TTN: variants seen among roughly 807,000 people sequenced by gnomAD.
TTN encodes titin, also known as connectin.
A neutral mutation model predicts 3,223.0 loss-of-function variants in TTN; 1,525 were observed. The observed-to-expected ratio is 0.47, with a 90% CI of 0.45 to 0.49. TTN has a LOEUF of 0.49. Ranked by LOEUF, TTN falls within the 20% of genes least tolerant of loss-of-function variation. TTN has a pLI of 0.00. For missense variants in TTN, 40,786 were observed against 43,424.0 expected (o/e 0.94, Z 5.40); for synonymous variants, 14,094 against 15,161.0 (o/e 0.93, Z 5.17).
In TTN at chr2:178,534,670, T is replaced by A; in HGVS notation, c.101945A>T (p.Tyr33982Phe). ...ATCATGCTGGTGGACTTCAGGTGCA[T>A]AGTATTCTGGGGCAGTGAATAGAAG... Reference protein sequence around the residue: ...FRLLFTAPEYYAPEVHQHDVV... With the variant: ...FRLLFTAPEYFAPEVHQHDVV... Residue 33982 changes from tyrosine to phenylalanine, a missense_variant, in exon 358 of 363, where the codon TAT becomes TTT. By Grantham distance (22) the Tyr-to-Phe change is conservative. Coordinates refer to ENST00000589042, the MANE Select transcript of TTN (RefSeq NM_001267550.2). 2 of 1,613,808 alleles carry A rather than the reference T, an allele frequency of 1.2e-6. No individual in the cohort carries two copies. The highest frequency in any genetic ancestry group is 1.7e-6 in the Non-Finnish European group (2 of 1,179,766).
chr2:178,694,931 A>G (rs1428354909), intron 115 of TTN, 25 bp from the exon 116 acceptor site: 1 of 1,484,738 alleles, frequency 6.7e-7, no homozygotes, highest in Non-Finnish European at 9.2e-7. Context: ...GAGAAATTGC[A>G]GTACTTTTAG....
Position 178,564,615 on chromosome 2 carries a change from G to C in TTN, c.81517C>G (p.Pro27173Ala), listed in dbSNP as rs754325718. Reference sequence around the variant, plus strand: ...ACAATGGCTTCAGGGCGACCAGGTGGGTCACATGGATCACGAGCAACAAAG... The same window carrying C: ...ACAATGGCTTCAGGGCGACCAGGTGCGTCACATGGATCACGAGCAACAAAG... ...ECFVARDPCDPPGRPEAIVIT... is the reference protein window; with the variant it reads ...ECFVARDPCDAPGRPEAIVIT... Residue 27173 changes from proline to alanine, a missense_variant, in exon 326 of 363, where the codon CCA becomes GCA. Coordinates refer to ENST00000589042, the MANE Select transcript of TTN (RefSeq NM_001267550.2). 6.9e-5 allele frequency: 112 copies of C among 1,613,298 alleles called. No homozygotes were observed. Among genetic ancestry groups the C allele is most frequent in the Admixed American group, 6.7e-5 (4 of 59,940 alleles).
rs1407239427 is a variant in TTN at position 178,537,924 on chromosome 2, A to G, written c.99290-7T>C. ...ATTCCTGGGGCCTCTCCAGCTGAAC[A>G]ATATGAAAGATAATATTAAGTGACT... is the stretch of plus-strand genomic sequence containing the variant. On this transcript the variant is annotated splice_polypyrimidine_tract_variant and splice_region_variant and intron_variant, in intron 354 of 362. Coordinates refer to ENST00000589042, the MANE Select transcript of TTN (RefSeq NM_001267550.2). 2.5e-6 allele frequency: 4 copies of G among 1,590,662 alleles called. No individual in the cohort carries two copies. Among genetic ancestry groups the G allele is most frequent in the African/African-American group, 1.3e-5 (1 of 74,376 alleles).
At chr2:178,608,111 C>A (rs757445621) in intron 275 of TTN, 30 bp from the exon 276 acceptor site, 1 of 1,607,530 alleles carries the variant, frequency 6.2e-7, no homozygotes, top group Non-Finnish European at 8.5e-7. Flanking sequence ...ACAAATCAAA[C>A]TCCCTGATGG....
Position 178,608,671 on chromosome 2 carries a change from G to C in TTN, c.52340C>G (p.Ala17447Gly), listed in dbSNP as rs758092362. Residue 17447 changes from alanine (A) to glycine (G), a missense_variant, in exon 274 of 363, where the codon GCT (alanine) becomes GGT (glycine). By Grantham distance (60) the Ala-to-Gly change is moderately conservative. Coordinates refer to ENST00000589042, the MANE Select transcript of TTN (RefSeq NM_001267550.2). Reference sequence around the variant, plus strand: ...TGGACCTGGCCCAAATCTGTTTTCAGCTCTTACACGGAAGAGGTACTCTTT... The same window carrying C: ...TGGACCTGGCCCAAATCTGTTTTCACCTCTTACACGGAAGAGGTACTCTTT... Reference protein sequence around the residue: ...EGKEYLFRVRAENRFGPGPPC... With the variant: ...EGKEYLFRVRGENRFGPGPPC... The C allele has an allele frequency of 6.2e-6, 10 of 1,611,970 alleles. No homozygotes were observed. Among genetic ancestry groups the C allele is most frequent in the Non-Finnish European group, 5.9e-6 (7 of 1,178,976 alleles).
At chr2:178,747,554 T>C (rs1560985168) in intron 47 of TTN, 9 of 1,613,400 alleles carry the variant, frequency 5.6e-6, no homozygotes, top group East Asian at 4.5e-5. Context: ...GTAGTATTCA[T>C]ACACAGTGTT....
chr2:178,725,335 G>T, intron 71 of TTN, 33 bp downstream of exon 71: 3 of 1,434,198 alleles, frequency 2.1e-6, no homozygotes, highest in South Asian at 1.7e-5. Flanking sequence ...CCAGCATTTG[G>T]CACCAGTTTC....
Position 178,547,918 on chromosome 2 carries a change from G to C in TTN, c.93708C>G (p.Asp31236Glu), listed in dbSNP as rs560835240. ...GGGCAGGACGACCACTGATTGGTAC[G>C]TCAATGGTAAATGGGCTTCCTGCTT... is the stretch of plus-strand genomic sequence containing the variant. ...TCKAGSPFTI[D>E]VPISGRPAPK... The change falls in exon 339 of 363, where the codon GAC (aspartate) becomes GAG (glutamate). Residue 31236 changes from aspartate to glutamate, a missense_variant. By Grantham distance (45) the Asp-to-Glu change is conservative. Coordinates refer to ENST00000589042, the MANE Select transcript of TTN (RefSeq NM_001267550.2). 1 of 1,613,724 alleles carries C rather than the reference G, an allele frequency of 6.2e-7. No homozygotes were observed.
chr2:178,559,777 A>C lies in TTN; in HGVS notation c.86355T>G (p.Asn28785Lys), dbSNP rs745857020. 2 of 1,605,014 alleles carry C rather than the reference A, an allele frequency of 1.2e-6. No homozygotes were observed. The highest frequency in any genetic ancestry group is 2.2e-5 in the South Asian group (2 of 89,660). Residue 28785 changes from asparagine (N) to lysine (K), a missense_variant, in exon 326 of 363, where the codon AAT becomes AAG. Transcript: ENST00000589042. ...TVPFRGRPVP[N>K]VLWSKPDTDL... ...CAGTGTCTGGCTTACTCCACAAGAC[A>C]TTGGGTACTGGTCTTCCTCGGAAAG...
At chr2:178,529,585 A>T (rs956859730) in intron 359 of TTN, among the ~76,000 whole-genome samples, 1 of 152,254 alleles carries the variant, frequency 6.6e-6, no homozygotes, top group African/African-American at 2.4e-5. Context: ...TAATTGGTAA[A>T]ATAGAAATAG....
chr2:178,555,935 T>C (rs940025900), intron 330 of TTN: 10 of 152,296 alleles, frequency 6.6e-5, no homozygotes, highest in African/African-American at 2.4e-4. Context: ...ATACGCATTT[T>C]GGACTAACCA....
In TTN at chr2:178,723,991, A is replaced by T; in HGVS notation, c.21268T>A (p.Tyr7090Asn). 6.2e-7 allele frequency: 1 copy of T among 1,613,580 alleles called. No homozygotes were observed. Among genetic ancestry groups the T allele is most frequent in the Non-Finnish European group, 8.5e-7 (1 of 1,179,624 alleles). The change falls in exon 73 of 363, where the codon TAC becomes AAC. Residue 7090 changes from tyrosine (Y) to asparagine (N), a missense_variant. Coordinates refer to ENST00000589042, the MANE Select transcript of TTN (RefSeq NM_001267550.2). ...ACATTATCTGAAAATGTGGTTTGGT[A>T]CTTTGCTCCACTGACAATCTTGGTT... ...EKTKIVSGAK[Y>N]QTTFSDNVCT...
rs759429973 is a variant in TTN, at chr2:178,585,185, C to CT, written c.64558dup (p.Ser21520LysfsTer12). 1 of 1,613,362 alleles carries CT rather than the reference C, an allele frequency of 6.2e-7. No individual in the cohort carries two copies. The highest frequency in any genetic ancestry group is 2.2e-5 in the East Asian group (1 of 44,828). On this transcript the variant is annotated frameshift_variant, in exon 309 of 363. Transcript: ENST00000589042. LOFTEE classifies it high-confidence loss of function. ...ATCTTTTATGATCAGAATTGAAGAG[C>CT]TGTCTGCTTTATGCACTGCCAGGTG... is the stretch of plus-strand genomic sequence containing the variant.
chr2:178,612,806 G>T lies in TTN; in HGVS notation c.49915C>A (p.Pro16639Thr). The change falls in exon 265 of 363, where the codon CCC becomes ACC. Residue 16639 changes from proline (P) to threonine (T), a missense_variant. Transcript: ENST00000589042. ...NKAGESEPSE[P>T]SDPVLCREKL... ...TCCCGGCAAAGCACAGGGTCACTGG[G>T]TTCACTGGGTTCACTTTCCCCAGCC... 1 of 1,612,162 alleles carries T rather than the reference G, an allele frequency of 6.2e-7. No individual in the cohort carries two copies. Among genetic ancestry groups the T allele is most frequent in the Non-Finnish European group, 8.5e-7 (1 of 1,179,044 alleles).
chr2:178,695,020 G>T, intron 115 of TTN, 114 bp from the exon 116 acceptor site: 1 of 725,472 alleles, frequency 1.4e-6, no homozygotes. Context: ...AAGTGTATAT[G>T]CAGATACATG....
In TTN at chr2:178,564,249, G is replaced by C; in HGVS notation, c.81883C>G (p.Leu27295Val). 1 of 1,613,206 alleles carries C rather than the reference G, an allele frequency of 6.2e-7. No individual in the cohort carries two copies. Among genetic ancestry groups the C allele is most frequent in the Non-Finnish European group, 8.5e-7 (1 of 1,179,764 alleles). The change falls in exon 326 of 363, where the codon CTT becomes GTT. Residue 27295 changes from leucine (L) to valine (V), a missense_variant. Physicochemically the swap from Leu to Val is conservative, Grantham distance 32 (BLOSUM62 1). Coordinates refer to ENST00000589042, the MANE Select transcript of TTN (RefSeq NM_001267550.2). ...GGTTTGCCACGGATGTCGGCTTCAA[G>C]AACAAAAGTCTCTCCTGCATGAACA... ...IVVHAGETFV[L>V]EADIRGKPIP...
chr2:178,706,144 A>C (rs915848082), intron 102 of TTN, among the ~76,000 whole-genome samples: 1 of 152,192 alleles, frequency 6.6e-6, no homozygotes, highest in African/African-American at 2.4e-5. Flanking sequence ...GGGACATTAC[A>C]GTCATCCCTC....
intron 47 of TTN, chr2:178,744,972 A>G (rs2083206335): frequency 2.0e-6 from 2 of 985,278 alleles, no homozygotes; most frequent in African/African-American, 3.5e-5. Flanking sequence ...AATATTAATA[A>G]CGAAAACATT....
Position 178,534,126 on chromosome 2 carries a change from A to G in TTN, c.102489T>C (p.Asp34163=), listed in dbSNP as rs1382372093. ...AGTACCAAGTCACTTGGGTAGACTG[A>G]TCATAATTTTCAATTTTGCATACAT... ...VKYVCKIENY[D]QSTQVTWYFG... The change falls in exon 358 of 363, where the codon GAT becomes GAC. Residue 34163 remains aspartate (D), a synonymous_variant. Transcript: ENST00000589042. 3 of 1,613,968 alleles carry G rather than the reference A, an allele frequency of 1.9e-6. No homozygotes were observed. Among genetic ancestry groups the G allele is most frequent in the Non-Finnish European group, 2.5e-6 (3 of 1,179,866 alleles).
Sources: gnomAD v4.1 joint callset for allele counts (sites outside exome capture counted in the v4.1 genomes callset) on GRCh38, gnomAD v4.1.1 for gene constraint, MANE v1.5 for transcripts, NCBI Gene and HGNC (gene_info 2026-07-23, HGNC 2026-07-21) for gene names.